Variants in ROS1 observed in about 807,000 individuals in gnomAD.
ROS1 encodes ROS proto-oncogene 1, receptor tyrosine kinase.
A neutral mutation model predicts 273.5 loss-of-function variants in ROS1; 263 were observed. The ratio of observed to expected loss-of-function variants is 0.96; its 90% CI spans 0.87 to 1.06. The LOEUF is 1.06. ROS1 is among the 50% of genes least tolerant of loss of function. The pLI is 0.00. For missense variants in ROS1, 2,833 were observed against 2,751.1 expected (o/e 1.03, Z -0.67); for synonymous variants, 1,008 against 954.1 (o/e 1.06, Z -1.04).
chr6:117,323,766 G>C (rs928711079), intron 35 of ROS1, among the ~76,000 whole-genome samples: 1 of 151,846 alleles, frequency 6.6e-6, no homozygotes, highest in African/African-American at 2.4e-5. Context: ...TAATTTTTCT[G>C]CCTTCCTGGT....
intron 5 of ROS1, among the ~76,000 whole-genome samples, chr6:117,405,252 A>G (rs1367929263): frequency 6.6e-6 from 1 of 152,196 alleles, no homozygotes; most frequent in African/African-American, 2.4e-5. Flanking sequence ...CGCAATTCTC[A>G]TCATTACCAA....
intron 31 of ROS1, among the ~76,000 whole-genome samples, chr6:117,337,895 T>A (rs1055530903): frequency 1.3e-5 from 2 of 152,100 alleles, no homozygotes; most frequent in Non-Finnish European, 2.9e-5. Flanking sequence ...GAAGCCTACA[T>A]AGCCAAAAGA....
rs561269807 is a variant in ROS1, at chr6:117,287,912, C to T, written c.*580G>A. ...CAGCCTGGGCAACAGAGCAAGACTT[C>T]GTCTCAAAAAAAAAAAAAAAAAATT... On this transcript the variant is annotated 3_prime_UTR_variant, in exon 44 of 44. Transcript: ENST00000368507. Among the ~76,000 whole-genome samples the T allele has an allele frequency of 6.7e-3, 691 of 102,540 alleles. 4 individuals carry two copies. The highest frequency in any genetic ancestry group is 0.029 in the African/African-American group (663 of 22,494). The allele number at this position is 102,540 out of a possible 152,430, so 67.3% of individuals were successfully genotyped here.
intron 26 of ROS1, among the ~76,000 whole-genome samples, chr6:117,354,530 A>G (rs1779138490): frequency 6.6e-6 from 1 of 152,224 alleles, no homozygotes; most frequent in Non-Finnish European, 1.5e-5. Flanking sequence ...AATATTCATA[A>G]TTGTCCAAAA....
rs564874877 is a variant in ROS1 at position 117,351,087 on chromosome 6, C to A, written c.4303+1903G>T. On this transcript the variant is annotated intron_variant, in intron 27 of 43. Transcript: ENST00000368507. ...CTGAATATGCTGTACTGGGTGAAAG[C>A]AACTGCTGTAAATGGGCCTTTAGTA... 2.6e-3 allele frequency among the ~76,000 whole-genome samples: 396 copies of A among 152,272 alleles called. 1 individual carries two copies. The highest frequency in any genetic ancestry group is 4.4e-3 in the Non-Finnish European group (299 of 68,014).
chr6:117,385,606 A>G (rs1035926345), intron 16 of ROS1, 77 bp downstream of exon 16: 67 of 1,324,448 alleles, frequency 5.1e-5, no homozygotes, highest in Non-Finnish European at 6.7e-5. Flanking sequence ...TTAAAAAAAA[A>G]AAAGAAATTG....
At chr6:117,356,421 T>A (rs531021669) in intron 26 of ROS1, among the ~76,000 whole-genome samples, 2 of 152,362 alleles carry the variant, frequency 1.3e-5, no homozygotes, top group Non-Finnish European at 2.9e-5. Flanking sequence ...TACAATTTTT[T>A]AAAACACAGA....
intron 3 of ROS1, among the ~76,000 whole-genome samples, chr6:117,415,993 T>C (rs754023493): frequency 1.6e-4 from 25 of 152,234 alleles, no homozygotes; most frequent in Non-Finnish European, 2.4e-4. Flanking sequence ...AAAACATTTA[T>C]AGTTTTGGAG....
chr6:117,403,618 G>A (rs1049688197), intron 6 of ROS1, among the ~76,000 whole-genome samples: 1 of 150,922 alleles, frequency 6.6e-6, no homozygotes, highest in Non-Finnish European at 1.5e-5. Flanking sequence ...ACCATAGACC[G>A]TACTTCTGAA....
At chr6:117,356,583 G>A in intron 26 of ROS1, 46 bp downstream of exon 26, 1 of 1,544,488 alleles carries the variant, frequency 6.5e-7, no homozygotes, top group Non-Finnish European at 8.8e-7. Flanking sequence ...AGTTGAAGGG[G>A]CTGCTCTTAT....
intron 39 of ROS1, among the ~76,000 whole-genome samples, chr6:117,314,490 G>A (rs1313735727): frequency 6.6e-6 from 1 of 152,108 alleles, no homozygotes; most frequent in Non-Finnish European, 1.5e-5. Context: ...AGAACGTTTA[G>A]GTTATTTAAG....
chr6:117,385,698 A>G lies in ROS1; in HGVS notation c.2274T>C (p.Ala758=). The G allele has an allele frequency of 3.1e-6, 5 of 1,614,066 alleles. No individual in the cohort carries two copies. The highest frequency in any genetic ancestry group is 3.4e-6 in the Non-Finnish European group (4 of 1,180,006). Residue 758 remains alanine (A), a synonymous_variant, in exon 16 of 44, where the codon GCT becomes GCC. Transcript: ENST00000368507. The part of the protein sequence containing the change: ...FEWLGHFLYW[A]GKTYVIQRQS... ...TTTAACTCACCACATATGTCTTTCC[A>G]GCCCAGTAGAGAAAGTGACCCAGCC...
chr6:117,412,038 G>A (rs1774954339), intron 4 of ROS1, among the ~76,000 whole-genome samples: 1 of 152,170 alleles, frequency 6.6e-6, no homozygotes. Context: ...TTGGGCAAAA[G>A]CAGAAGCAAC....
chr6:117,396,336 G>A, intron 8 of ROS1, 72 bp from the exon 9 acceptor site: 1 of 1,052,210 alleles, frequency 9.5e-7, no homozygotes, highest in Non-Finnish European at 1.5e-6. Flanking sequence ...AATAGAAGGA[G>A]CAATAACATT....
At chr6:117,377,242 CT>C (rs777931466) in intron 18 of ROS1, among the ~76,000 whole-genome samples, 3 of 152,084 alleles carry the variant, frequency 2.0e-5, no homozygotes, top group Non-Finnish European at 2.9e-5. Flanking sequence ...TTCTGAGTAG[CT>C]GGGATTACAG....
intron 1 of ROS1, among the ~76,000 whole-genome samples, chr6:117,423,651 T>A (rs1225384342): frequency 6.6e-6 from 1 of 152,106 alleles, no homozygotes. Flanking sequence ...TTCGTGCAAT[T>A]TGGCCCACAA....
intron 18 of ROS1, among the ~76,000 whole-genome samples, chr6:117,376,719 T>G (rs951651241): frequency 2.0e-5 from 3 of 152,080 alleles, no homozygotes; most frequent in Admixed American, 6.5e-5. Context: ...ATGTTAGACA[T>G]CTACACTAAA....
chr6:117,370,017 G>A (rs886859781), intron 18 of ROS1, among the ~76,000 whole-genome samples: 1 of 151,838 alleles, frequency 6.6e-6, no homozygotes, highest in Non-Finnish European at 1.5e-5. Context: ...GAATGTATGT[G>A]GATATATATG....
intron 17 of ROS1, among the ~76,000 whole-genome samples, chr6:117,380,309 C>T (rs1772019944): frequency 1.3e-5 from 2 of 152,076 alleles, no homozygotes; most frequent in South Asian, 2.1e-4. Flanking sequence ...GAAAAGTTAT[C>T]CTGCTACAAA....
Sources: gnomAD v4.1 joint callset for allele counts (sites outside exome capture counted in the v4.1 genomes callset) on GRCh38, gnomAD v4.1.1 for gene constraint, MANE v1.5 for transcripts, NCBI Gene and HGNC (gene_info 2026-07-23, HGNC 2026-07-21) for gene names.